Variants in ZNF530 observed in about 807,000 individuals in gnomAD.
ZNF530 encodes zinc finger protein 530.
In ZNF530, 5 loss-of-function variants were observed where a neutral mutation model predicts 2.8. That is an observed-to-expected ratio of 1.80 (90% CI 0.94 to 3.78). The LOEUF is 3.78. Among genes scored for constraint, ZNF530 ranks in the 30% most tolerant of loss-of-function variants. The pLI is 0.00. For missense variants in ZNF530, 619 were observed against 673.3 expected (o/e 0.92, Z 0.89); for synonymous variants, 229 against 235.0 (o/e 0.97, Z 0.23).
chr19:57,605,761 G>A lies in ZNF530; in HGVS notation c.137G>A (p.Arg46Lys). The A allele has an allele frequency of 6.2e-7, 1 of 1,614,150 alleles. No homozygotes were observed. The change falls in exon 4 of 4, where the codon AGG (arginine) becomes AAG (lysine). Residue 46 changes from arginine to lysine, a missense_variant. By Grantham distance (26) the Arg-to-Lys change is conservative. Coordinates refer to ENST00000597700, the MANE Select transcript of ZNF530 (RefSeq NM_001321981.2). ...SVSVEELSQG[R>K]TPKADTSTDK... ...TCTGTGGAAGAACTGTCACAGGGCA[G>A]GACTCCAAAGGCAGATACATCCACT...
At chr19:57,611,957 T>C (rs1291690051), downstream of ZNF530, among the ~76,000 whole-genome samples, 1 of 152,180 alleles carries the variant, frequency 6.6e-6, no homozygotes, top group East Asian at 1.9e-4. Context: ...ACCAGAATTA[T>C]TCAGACTAGC....
chr19:57,605,448 T>C (rs907122292), intron 3 of ZNF530: 2 of 442,310 alleles, frequency 4.5e-6, no homozygotes, highest in Non-Finnish European at 8.0e-6. Flanking sequence ...TAAAAGCTTT[T>C]GGCAGAATAG....
rs1435764067 is a variant in ZNF530 at position 57,606,837 on chromosome 19, A to C, written c.1213A>C (p.Ser405Arg). 2 of 1,614,058 alleles carry C rather than the reference A, an allele frequency of 1.2e-6. No homozygotes were observed. Among genetic ancestry groups the C allele is most frequent in the African/African-American group, 2.7e-5 (2 of 74,932 alleles). Residue 405 changes from serine (S) to arginine (R), a missense_variant, in exon 4 of 4, where the codon AGT (serine) becomes CGT (arginine). Ser to Arg is a moderately radical substitution (Grantham distance 110, BLOSUM62 -1). Transcript: ENST00000597700. ...CACTGGAGAAAGGCCTTATGAGTGC[A>C]GTGAATGTGGGAAAGTTTTTAGCCA... The part of the protein sequence containing the change: ...VHTGERPYEC[S>R]ECGKVFSQSS...
rs778566757 is a variant in ZNF530, at chr19:57,607,087, G to A, written c.1463G>A (p.Cys488Tyr). ...TVHTNERPYE[C>Y]DECGKSYSQS... ...CACACTAATGAAAGGCCTTATGAGT[G>A]CGATGAATGTGGGAAATCCTATAGC... The change falls in exon 4 of 4, where the codon TGC becomes TAC. Residue 488 changes from cysteine to tyrosine, a missense_variant. Coordinates refer to ENST00000597700, the MANE Select transcript of ZNF530 (RefSeq NM_001321981.2). The A allele has an allele frequency of 6.2e-7, 1 of 1,613,300 alleles. No homozygotes were observed. Among genetic ancestry groups the A allele is most frequent in the Non-Finnish European group, 8.5e-7 (1 of 1,179,530 alleles).
rs781682358 is a variant in ZNF530 at position 57,607,318 on chromosome 19, T to A, written c.1694T>A (p.Val565Glu). Residue 565 changes from valine (V) to glutamate (E), a missense_variant, in exon 4 of 4, where the codon GTG becomes GAG. Coordinates refer to ENST00000597700, the MANE Select transcript of ZNF530 (RefSeq NM_001321981.2). ...SGLLRHRRVH[V>E]Q ...CTCTTAAGACACAGAAGAGTTCATG[T>A]GCAGTGAATGTGGGAAATTATTTTG... 4.4e-6 allele frequency: 7 copies of A among 1,575,012 alleles called. No homozygotes were observed. The highest frequency in any genetic ancestry group is 6.0e-6 in the Non-Finnish European group (7 of 1,165,356).
In ZNF530 at chr19:57,600,076, C is replaced by A. The variant is rs1232125632; in HGVS notation, c.-180C>A. Reference sequence around the variant, plus strand: ...TCTTGTCTCCGCCCGGATCGTCCACCGCTCCCGGCCCGCTCCGCCCAGAGT... The same window carrying A: ...TCTTGTCTCCGCCCGGATCGTCCACAGCTCCCGGCCCGCTCCGCCCAGAGT... On this transcript the variant is annotated 5_prime_UTR_variant, in exon 1 of 4. Transcript: ENST00000597700. 3 of 1,529,838 alleles carry A rather than the reference C, an allele frequency of 2.0e-6. No individual in the cohort carries two copies. The Admixed American group carries it at 5.9e-5, about 30-fold the overall frequency. The allele number at this position is 1,529,838 out of a possible 1,614,324, so 94.8% of individuals were successfully genotyped here. A position where few individuals can be genotyped will look rare whatever the true frequency, so the allele number is the denominator to read the frequency against.
downstream of ZNF530, chr19:57,612,656 G>C: frequency 2.5e-6 from 1 of 396,334 alleles, no homozygotes; most frequent in East Asian, 3.6e-5. Context: ...ACTCCAGCCT[G>C]TGCAACACAG....
At chr19:57,605,418 A>C (rs1161331387) in intron 3 of ZNF530, 1 of 376,926 alleles carries the variant, frequency 2.7e-6, no homozygotes, top group East Asian at 5.1e-5. Flanking sequence ...CTCTCTTCTC[A>C]TCAGGGGAGG....
Position 57,609,504 on chromosome 19 carries a change from C to G in ZNF530, c.*2179C>G, listed in dbSNP as rs1980778458. On this transcript the variant is annotated 3_prime_UTR_variant, in exon 4 of 4. Transcript: ENST00000597700. Reference sequence around the variant, plus strand: ...TAAAAGTAAAAAGTAAAAGTAAAAGCTGGGTGTGGTGGCAGGCACCAGTAA... The same window carrying G: ...TAAAAGTAAAAAGTAAAAGTAAAAGGTGGGTGTGGTGGCAGGCACCAGTAA... 6.6e-6 allele frequency among the ~76,000 whole-genome samples: 1 copy of G among 152,096 alleles called. No homozygotes were observed. The highest frequency in any genetic ancestry group is 1.5e-5 in the Non-Finnish European group (1 of 68,020).
rs1240874153 is a variant in ZNF530, at chr19:57,600,132, C to T, written c.-124C>T. 1 of 1,570,858 alleles carries T rather than the reference C, an allele frequency of 6.4e-7. No individual in the cohort carries two copies. The highest frequency in any genetic ancestry group is 1.8e-5 in the Admixed American group (1 of 54,932). ...GGCGGCGGCACTGAGGGCCCCGACC[C>T]AGGTGAGCGCTGCGTCCTCCCGGCC... On this transcript the variant is annotated splice_region_variant and 5_prime_UTR_variant, in exon 1 of 4. The change creates a premature stop within an existing upstream ORF in the 5' untranslated region. Transcript: ENST00000597700.
Position 57,608,191 on chromosome 19 carries a change from A to G in ZNF530, c.*866A>G, listed in dbSNP as rs1406280943. ...TCTCAGGCGATGCTTGTGATGAAGC[A>G]TTTTTTAGCTTCCACCACTTACCAG... On this transcript the variant is annotated 3_prime_UTR_variant, in exon 4 of 4. Coordinates refer to ENST00000597700, the MANE Select transcript of ZNF530 (RefSeq NM_001321981.2). The G allele has an allele frequency of 6.6e-6, 1 of 152,206 alleles. No individual in the cohort carries two copies. Among genetic ancestry groups the G allele is most frequent in the African/African-American group, 2.4e-5 (1 of 41,448 alleles). 9.4% of individuals were successfully genotyped at this position (152,206 alleles called of 1,614,324 possible).
In ZNF530 at chr19:57,609,021, CAA is replaced by C. The variant is rs1226114203; in HGVS notation, c.*1712_*1713del. On this transcript the variant is annotated 3_prime_UTR_variant, in exon 4 of 4. Transcript: ENST00000597700. ...TGGGTGACAGAGCGAGACTGCGTCT[CAA>C]AAAAAAAAAAAAAAAGATCCATTCA... 30 of 73,176 alleles carry C rather than the reference CAA, an allele frequency of 4.1e-4. No individual in the cohort carries two copies. Among genetic ancestry groups the C allele is most frequent in the Admixed American group, 4.7e-4 (3 of 6,324 alleles). 4.5% of individuals were successfully genotyped at this position (73,176 alleles called of 1,614,324 possible).
chr19:57,606,506 A>G lies in ZNF530; in HGVS notation c.882A>G (p.Glu294=). 1 of 1,614,166 alleles carries G rather than the reference A, an allele frequency of 6.2e-7. No individual in the cohort carries two copies. Among genetic ancestry groups the G allele is most frequent in the South Asian group, 1.1e-5 (1 of 91,082 alleles). Residue 294 remains glutamate, a synonymous_variant, in exon 4 of 4, where the codon GAA becomes GAG. Transcript: ENST00000597700. ...GAGAAAGGCCTTATGAGTGCAGTGA[A>G]TGTGGGAAATCTTTTAGCCACAGCA... ...HTGERPYECS[E]CGKSFSHSTN...
chr19:57,607,360 T>C lies in ZNF530; in HGVS notation c.*35T>C. On this transcript the variant is annotated 3_prime_UTR_variant, in exon 4 of 4. Transcript: ENST00000597700. Reference sequence around the variant, plus strand: ...ATTATTTTGTCACTTTTTTTTTTTTTTTTGAGATGGAATTTTGCTCGTCAC... The same window carrying C: ...ATTATTTTGTCACTTTTTTTTTTTTCTTTGAGATGGAATTTTGCTCGTCAC... The C allele has an allele frequency of 6.5e-7, 1 of 1,550,244 alleles. No homozygotes were observed. The highest frequency in any genetic ancestry group is 8.7e-7 in the Non-Finnish European group (1 of 1,152,730).
chr19:57,601,942 C>T (rs984599869), intron 2 of ZNF530, among the ~76,000 whole-genome samples: 12 of 152,196 alleles, frequency 7.9e-5, no homozygotes, highest in Admixed American at 3.9e-4. Flanking sequence ...GAGGGATCCA[C>T]CTCCATGACC....
At chr19:57,611,212 T>G (rs1360402701), downstream of ZNF530, among the ~76,000 whole-genome samples, 2 of 152,114 alleles carry the variant, frequency 1.3e-5, no homozygotes, top group East Asian at 3.9e-4. Flanking sequence ...GAGGCAGAGG[T>G]TGGCTTAAGG....
rs1047658392 is a variant in ZNF530 at position 57,609,305 on chromosome 19, C to T, written c.*1980C>T. Among the ~76,000 whole-genome samples the T allele has an allele frequency of 2.0e-4, 30 of 151,104 alleles. No homozygotes were observed. Among genetic ancestry groups the T allele is most frequent in the African/African-American group, 7.1e-4 (29 of 41,080 alleles). ...GAGACCACACCACTGCACTCCAGCC[C>T]GGGTGATGGAGTGAGACTCTGTTTC... On this transcript the variant is annotated 3_prime_UTR_variant, in exon 4 of 4. Transcript: ENST00000597700.
rs953162052 is a variant in ZNF530, at chr19:57,605,922, C to G, written c.298C>G (p.Leu100Val). Residue 100 changes from leucine to valine, a missense_variant, in exon 4 of 4, where the codon CTT (leucine) becomes GTT (valine). Leu to Val is a conservative substitution (Grantham distance 32). Coordinates refer to ENST00000597700, the MANE Select transcript of ZNF530 (RefSeq NM_001321981.2). The part of the protein sequence containing the change: ...ASRDFWMSSN[L>V]HQLQKLDNGE... ...AAGAGATTTCTGGATGAGTTCAAAC[C>G]TTCACCAGCTCCAGAAGCTTGATAA... 1.9e-6 allele frequency: 3 copies of G among 1,614,072 alleles called. No homozygotes were observed. Among genetic ancestry groups the G allele is most frequent in the Non-Finnish European group, 2.5e-6 (3 of 1,180,050 alleles).
Position 57,607,118 on chromosome 19 carries a change from C to A in ZNF530, c.1494C>A (p.Ser498Arg), listed in dbSNP as rs1204336954. The A allele has an allele frequency of 1.2e-6, 2 of 1,612,374 alleles. No homozygotes were observed. The highest frequency in any genetic ancestry group is 1.7e-5 in the Admixed American group (1 of 59,788). ...AATGTGGGAAATCCTATAGCCAAAG[C>A]TCTGCCCTCCTTCAGCATAGGAGAG... ...CDECGKSYSQ[S>R]SALLQHRRVH... The change falls in exon 4 of 4, where the codon AGC (serine) becomes AGA (arginine). Residue 498 changes from serine to arginine, a missense_variant. Coordinates refer to ENST00000597700, the MANE Select transcript of ZNF530 (RefSeq NM_001321981.2).
Sources: gnomAD v4.1 joint callset for allele counts (sites outside exome capture counted in the v4.1 genomes callset) on GRCh38, gnomAD v4.1.1 for gene constraint, MANE v1.5 for transcripts, NCBI Gene and HGNC (gene_info 2026-07-23, HGNC 2026-07-21) for gene names.